SCIN: variants seen among roughly 807,000 people sequenced by gnomAD.
SCIN encodes the protein adseverin.
In SCIN, 91 loss-of-function variants were observed where a neutral mutation model predicts 91.8. The ratio of observed to expected loss-of-function variants is 0.99; its 90% CI spans 0.84 to 1.18. The LOEUF is 1.18. Among genes scored for constraint, SCIN ranks in the 50% most tolerant of loss-of-function variants. The pLI is 0.00. For synonymous variants in SCIN, 367 were observed against 312.6 expected (o/e 1.17, Z -1.84); for missense variants, 1,087 against 863.9 (o/e 1.26, Z -3.24).
intron 13 of SCIN, among the ~76,000 whole-genome samples, chr7:12,645,041 C>T (rs112123749): frequency 0.079 from 9,105 of 115,950 alleles, 520 homozygotes; most frequent in African/African-American, 0.2. Context: ...AAAAAAGGGC[C>T]GGGCGCGGTG....
At chr7:12,622,386 T>G (rs1202037765) in intron 4 of SCIN, among the ~76,000 whole-genome samples, 3 of 152,148 alleles carry the variant, frequency 2.0e-5, no homozygotes, top group African/African-American at 7.2e-5. Flanking sequence ...CAAATAGTAA[T>G]TTTGATTCAA....
chr7:12,645,079 G>T (rs1783935143), intron 13 of SCIN, among the ~76,000 whole-genome samples: 1 of 151,008 alleles, frequency 6.6e-6, no homozygotes, highest in African/African-American at 2.4e-5. Context: ...CAGCACTTTG[G>T]GAAGCTGAGA....
At chr7:12,607,854 C>G (rs1179442340) in intron 4 of SCIN, among the ~76,000 whole-genome samples, 1 of 152,098 alleles carries the variant, frequency 6.6e-6, no homozygotes, top group Non-Finnish European at 1.5e-5. Context: ...TCTAGGCTTT[C>G]TTAGTGTTGT....
chr7:12,600,480 C>T (rs849772), intron 3 of SCIN, among the ~76,000 whole-genome samples: 135,587 of 152,206 alleles, frequency 0.89, 60,705 homozygotes, highest in East Asian at 1. Context: ...ATGCCACCTG[C>T]TCCCCAGAAA....
At position 12,636,075 on chromosome 7, in the gene SCIN, G is replaced by C; in HGVS notation, c.1350G>C (p.Leu450=). 1 of 1,613,140 alleles carries C rather than the reference G, an allele frequency of 6.2e-7. No homozygotes were observed. The highest frequency in any genetic ancestry group is 8.5e-7 in the Non-Finnish European group (1 of 1,179,622). ...WQGANATRDE[L]TTSAFLTVQL... ...GAGCAAATGCCACACGAGATGAGCT[G>C]ACAACATCTGCGTTCCTGACTGTTC... is the stretch of plus-strand genomic sequence containing the variant. The change falls in exon 10 of 16, where the codon CTG becomes CTC. Residue 450 remains leucine (L), a synonymous_variant. Transcript: ENST00000297029.
At chr7:12,635,754 C>A (rs1783738652) in intron 9 of SCIN, among the ~76,000 whole-genome samples, 1 of 151,496 alleles carries the variant, frequency 6.6e-6, no homozygotes, top group African/African-American at 2.4e-5. Context: ...GCAGGCAGCT[C>A]CAACTTAAAA....
chr7:12,582,095 C>T (rs1322232377), intron 3 of SCIN, among the ~76,000 whole-genome samples: 1 of 152,194 alleles, frequency 6.6e-6, no homozygotes, highest in Non-Finnish European at 1.5e-5. Flanking sequence ...GTAACGGAGT[C>T]ATGAGCTGAC....
chr7:12,583,774 A>G (rs1782534663), intron 3 of SCIN, among the ~76,000 whole-genome samples: 1 of 152,178 alleles, frequency 6.6e-6, no homozygotes, highest in Non-Finnish European at 1.5e-5. Context: ...AGTATGGGCC[A>G]CAAATCCAGG....
At chr7:12,639,627 A>C (rs1242359267) in intron 10 of SCIN, among the ~76,000 whole-genome samples, 3 of 152,234 alleles carry the variant, frequency 2.0e-5, no homozygotes, top group Non-Finnish European at 4.4e-5. Flanking sequence ...AATAAAATCA[A>C]GAAAATAATT....
intron 3 of SCIN, among the ~76,000 whole-genome samples, chr7:12,583,249 C>G (rs60906834): frequency 0.02 from 2,998 of 152,230 alleles, 107 homozygotes; most frequent in African/African-American, 0.068. Context: ...GTCTCTGAGC[C>G]TTAACTTCCT....
At chr7:12,579,494 C>T (rs1782444942) in intron 2 of SCIN, among the ~76,000 whole-genome samples, 1 of 152,176 alleles carries the variant, frequency 6.6e-6, no homozygotes, top group African/African-American at 2.4e-5. Context: ...GTTATGAACC[C>T]ATTTCTGCCA....
At chr7:12,587,280 T>G (rs1309198518) in intron 3 of SCIN, among the ~76,000 whole-genome samples, 2 of 152,180 alleles carry the variant, frequency 1.3e-5, no homozygotes, top group African/African-American at 4.8e-5. Flanking sequence ...CAGTTTGAAC[T>G]TATCCTACCC....
intron 9 of SCIN, among the ~76,000 whole-genome samples, chr7:12,631,405 C>T (rs1003591542): frequency 2.0e-5 from 3 of 152,156 alleles, no homozygotes; most frequent in African/African-American, 7.2e-5. Context: ...TATACAGACC[C>T]TCCACCATAC....
In SCIN at chr7:12,655,511, C is replaced by T. The variant is rs534638034; in HGVS notation, c.*2796C>T. 1 of 152,098 alleles carries T rather than the reference C, an allele frequency of 6.6e-6. No individual in the cohort carries two copies. The highest frequency in any genetic ancestry group is 2.4e-5 in the African/African-American group (1 of 41,408). The allele number at this position is 152,098 out of a possible 1,614,324, so 9.4% of individuals were successfully genotyped here. ...GACCAGTAAATAATGAAAAGATGTT[C>T]TAAGACACTCTTAATTAAATAAATT... On this transcript the variant is annotated 3_prime_UTR_variant, in exon 16 of 16. Transcript: ENST00000297029.
At chr7:12,585,893 A>G (rs1420031603) in intron 3 of SCIN, among the ~76,000 whole-genome samples, 2 of 152,206 alleles carry the variant, frequency 1.3e-5, no homozygotes, top group Admixed American at 1.3e-4. Flanking sequence ...CAGGCATCCA[A>G]TATTTTCTCA....
At chr7:12,580,870 A>G (rs1480354842) in intron 2 of SCIN, among the ~76,000 whole-genome samples, 190 bp from the exon 3 acceptor site, 2 of 152,234 alleles carry the variant, frequency 1.3e-5, no homozygotes, top group Non-Finnish European at 2.9e-5. Context: ...AAGAGACCAA[A>G]CAAACACAAT....
chr7:12,588,367 G>C (rs1278684445), intron 3 of SCIN, among the ~76,000 whole-genome samples: 4 of 152,200 alleles, frequency 2.6e-5, no homozygotes, highest in Admixed American at 2.6e-4. Flanking sequence ...CAAGTAAGAG[G>C]ATGACAAGGT....
intron 3 of SCIN, among the ~76,000 whole-genome samples, chr7:12,602,485 C>A (rs1782978853): frequency 6.6e-6 from 1 of 152,090 alleles, no homozygotes; most frequent in Non-Finnish European, 1.5e-5. Context: ...CTGGAATTGC[C>A]CAATCCTAGT....
At chr7:12,616,411 C>A (rs1390048282) in intron 4 of SCIN, among the ~76,000 whole-genome samples, 1 of 152,226 alleles carries the variant, frequency 6.6e-6, no homozygotes, top group East Asian at 1.9e-4. Flanking sequence ...TGTTCTCTTG[C>A]CTTTCTTCCT....
Sources: allele counts gnomAD v4.1 joint callset (sites outside exome capture counted in the v4.1 genomes callset), GRCh38; gene constraint gnomAD v4.1.1; transcripts MANE v1.5; gene names NCBI Gene and HGNC (gene_info 2026-07-23, HGNC 2026-07-21).